Variants in ROCK2 observed in about 807,000 individuals in gnomAD.
ROCK2 encodes rho-associated protein kinase 2.
A neutral mutation model predicts 195.1 loss-of-function variants in ROCK2; 61 were observed. The observed-to-expected ratio is 0.31, with a 90% confidence interval of 0.25 to 0.39. The LOEUF is 0.39. Among genes scored for constraint, ROCK2 ranks in the 10% least tolerant of loss-of-function variants. ROCK2 has a pLI of 1.00. For synonymous variants in ROCK2, 504 were observed against 545.5 expected (o/e 0.92, Z 1.06); for missense variants, 1,109 against 1,637.4 (o/e 0.68, Z 5.57).
chr2:11,238,245 T>TGTGTGTGTGTGTGTGTGTC (rs11377542), intron 4 of ROCK2, among the ~76,000 whole-genome samples: 44 of 38,450 alleles, frequency 1.1e-3, no homozygotes, highest in African/African-American at 3.1e-3. Context: ...TGTGTGTCTG[T>TGTGTGTGTGTGTGTGTGTC]TGTGTGTGTC....
chr2:11,229,492 C>A (rs1361391711), intron 5 of ROCK2, among the ~76,000 whole-genome samples: 1 of 151,202 alleles, frequency 6.6e-6, no homozygotes, highest in African/African-American at 2.4e-5. Context: ...GAATATGGAG[C>A]AAGTGACTCT....
intron 3 of ROCK2, among the ~76,000 whole-genome samples, chr2:11,269,637 C>T (rs778383361): frequency 1.3e-5 from 2 of 152,074 alleles, no homozygotes; most frequent in Admixed American, 6.6e-5. Context: ...CCTGTTTCTT[C>T]GGATATAAGA....
At chr2:11,188,134 G>A (rs533095120) in intron 32 of ROCK2, among the ~76,000 whole-genome samples, 6 of 133,916 alleles carry the variant, frequency 4.5e-5, no homozygotes, top group Admixed American at 1.6e-4. Flanking sequence ...TTTGTGTGAC[G>A]GAGTCTCGCT....
chr2:11,323,147 G>C (rs1227788207), intron 1 of ROCK2, among the ~76,000 whole-genome samples: 1 of 152,132 alleles, frequency 6.6e-6, no homozygotes, highest in Non-Finnish European at 1.5e-5. Context: ...TAGCCATCCA[G>C]CTTGTCCAAA....
intron 27 of ROCK2, among the ~76,000 whole-genome samples, chr2:11,195,721 G>A (rs6711793): frequency 0.41 from 61,607 of 151,888 alleles, 13,728 homozygotes; most frequent in Admixed American, 0.52. Context: ...CACCATGTTG[G>A]CCAGGCTAGT....
At chr2:11,184,719 T>C (rs1157873697) in intron 32 of ROCK2, 2 of 982,942 alleles carry the variant, frequency 2.0e-6, no homozygotes, top group South Asian at 4.7e-5. Context: ...ACCACCACCA[T>C]CAACATCATC....
chr2:11,303,584 T>G (rs1369892255), intron 1 of ROCK2, among the ~76,000 whole-genome samples: 1 of 152,176 alleles, frequency 6.6e-6, no homozygotes, highest in African/African-American at 2.4e-5. Context: ...GCCATTGGCA[T>G]GGAAACATGT....
At chr2:11,239,559 A>C (rs1269666647) in intron 4 of ROCK2, among the ~76,000 whole-genome samples, 5 of 152,206 alleles carry the variant, frequency 3.3e-5, no homozygotes, top group Non-Finnish European at 1.5e-5. Flanking sequence ...TCTGCCAAAG[A>C]CTAATAAGCA....
chr2:11,239,099 A>G (rs1259540931), intron 4 of ROCK2, among the ~76,000 whole-genome samples: 1 of 152,176 alleles, frequency 6.6e-6, no homozygotes, highest in Non-Finnish European at 1.5e-5. Context: ...TTTAAGAGTT[A>G]AAACTACAAA....
intron 4 of ROCK2, among the ~76,000 whole-genome samples, chr2:11,246,702 T>C (rs1012359663): frequency 6.6e-6 from 1 of 152,196 alleles, no homozygotes; most frequent in African/African-American, 2.4e-5. Context: ...TGAAAAGTGA[T>C]ATTTCTAACA....
chr2:11,224,176 G>A, intron 7 of ROCK2, 146 bp downstream of exon 7: 1 of 723,368 alleles, frequency 1.4e-6, no homozygotes, highest in Non-Finnish European at 2.2e-6. Flanking sequence ...ACCAGGCTTA[G>A]CAGAAGGAAA....
chr2:11,245,636 C>T (rs1025070246), intron 4 of ROCK2, among the ~76,000 whole-genome samples: 1 of 152,138 alleles, frequency 6.6e-6, no homozygotes, highest in African/African-American at 2.4e-5. Context: ...GACCTACAAG[C>T]ACAGTTAATT....
chr2:11,228,369 G>C (rs143356432), intron 5 of ROCK2, among the ~76,000 whole-genome samples: 6 of 152,176 alleles, frequency 3.9e-5, no homozygotes, highest in African/African-American at 9.6e-5. Flanking sequence ...ACTTGTTATA[G>C]AAAAGATCTT....
chr2:11,241,628 A>G (rs1334968625), intron 4 of ROCK2, among the ~76,000 whole-genome samples: 2 of 152,264 alleles, frequency 1.3e-5, no homozygotes, highest in African/African-American at 4.8e-5. Context: ...GGATAAATGC[A>G]TGACAACATA....
chr2:11,344,487 G>A lies in ROCK2; in HGVS notation c.-351C>T. On this transcript the variant is annotated 5_prime_UTR_variant, in exon 1 of 33. Coordinates refer to ENST00000315872, the MANE Select transcript of ROCK2 (RefSeq NM_004850.5). The surrounding 1 kb of genome is among the most constrained non-coding windows in gnomAD (Gnocchi z 5.4). ...AGTGGCGCCGCCACCGCCGCGGCCC[G>A]GACCGCCCCGCCCTCTGGGGCCCCG... 1 of 993,128 alleles carries A rather than the reference G, an allele frequency of 1.0e-6. No homozygotes were observed. The highest frequency in any genetic ancestry group is 1.2e-6 in the Non-Finnish European group (1 of 836,046). 61.5% of individuals were successfully genotyped at this position (993,128 alleles called of 1,614,324 possible). A position where few individuals can be genotyped will look rare whatever the true frequency, so the allele number is the denominator to read the frequency against.
chr2:11,300,356 C>A (rs192536490), intron 1 of ROCK2, among the ~76,000 whole-genome samples: 46 of 152,270 alleles, frequency 3.0e-4, no homozygotes, highest in African/African-American at 1.1e-3. Context: ...TCCGCCCTCC[C>A]AGGTTCAAGA....
Position 11,183,360 on chromosome 2 carries a change from G to T in ROCK2, c.*77C>A. 8.7e-7 allele frequency: 1 copy of T among 1,148,266 alleles called. No homozygotes were observed. The highest frequency in any genetic ancestry group is 1.3e-6 in the Non-Finnish European group (1 of 785,658). 71.1% of individuals were successfully genotyped at this position (1,148,266 alleles called of 1,614,324 possible). ...AAAATATAGCTTTTTAATAAATTTT[G>T]GGCCATCATATTTCAGTCTTGTTTT... On this transcript the variant is annotated 3_prime_UTR_variant, in exon 33 of 33. Coordinates refer to ENST00000315872, the MANE Select transcript of ROCK2 (RefSeq NM_004850.5).
chr2:11,301,867 C>T (rs62118012), intron 1 of ROCK2, among the ~76,000 whole-genome samples: 122,569 of 151,848 alleles, frequency 0.81, 51,110 homozygotes, highest in East Asian at 0.99. Context: ...CTTTCCCTTG[C>T]CCCTTACTTC....
chr2:11,316,645 T>C (rs750373286), intron 1 of ROCK2, among the ~76,000 whole-genome samples: 2 of 152,182 alleles, frequency 1.3e-5, no homozygotes, highest in Non-Finnish European at 2.9e-5. Context: ...GTCTGGAACA[T>C]GCAGGCTTTA....
Sources: allele counts gnomAD v4.1 joint callset (sites outside exome capture counted in the v4.1 genomes callset), GRCh38; gene constraint gnomAD v4.1.1; non-coding constraint Gnocchi (gnomAD v3.1); transcripts MANE v1.5; gene names NCBI Gene and HGNC (gene_info 2026-07-23, HGNC 2026-07-21).